CCDC171: variants seen among roughly 807,000 people sequenced by gnomAD.
The protein encoded by CCDC171 is coiled-coil domain containing 171.
CCDC171 carries 177 observed loss-of-function variants against 168.2 expected under a neutral mutation model. The observed-to-expected ratio is 1.05, with a 90% CI of 0.93 to 1.19. The LOEUF (loss-of-function observed/expected upper bound fraction) is 1.19, where lower values mean the gene tolerates loss of function less well. CCDC171 is among the 50% of genes most tolerant of loss of function. CCDC171 has a pLI of 0.00. For synonymous variants in CCDC171, 687 were observed against 540.8 expected (o/e 1.27, Z -3.75); for missense variants, 1,991 against 1,539.0 (o/e 1.29, Z -4.91).
At chr9:15,622,493 A>G (rs776303665) in intron 6 of CCDC171, among the ~76,000 whole-genome samples, 1 of 152,278 alleles carries the variant, frequency 6.6e-6, no homozygotes, top group Non-Finnish European at 1.5e-5. Flanking sequence ...ATAAATATTC[A>G]TGTGTGTTTG....
intron 25 of CCDC171, among the ~76,000 whole-genome samples, chr9:15,948,580 T>C (rs967951370): frequency 2.6e-5 from 4 of 152,130 alleles, no homozygotes; most frequent in African/African-American, 9.7e-5. Context: ...TGGCCAGTGA[T>C]GGTGAGCATT....
intron 20 of CCDC171, among the ~76,000 whole-genome samples, chr9:15,780,431 C>G (rs1365965905): frequency 1.3e-5 from 2 of 151,824 alleles, no homozygotes; most frequent in African/African-American, 4.8e-5. Flanking sequence ...GCCTGTAATC[C>G]CAGTGCTTTG....
chr9:15,777,004 A>T (rs924110092), intron 18 of CCDC171, among the ~76,000 whole-genome samples: 3 of 152,252 alleles, frequency 2.0e-5, no homozygotes, highest in African/African-American at 7.2e-5. Flanking sequence ...ATTAACCATT[A>T]TCTGGAATAC....
intron 6 of CCDC171, among the ~76,000 whole-genome samples, chr9:16,034,750 A>T (rs1279018774): frequency 6.6e-6 from 1 of 152,174 alleles, no homozygotes; most frequent in Non-Finnish European, 1.5e-5. Flanking sequence ...GACTTTACCT[A>T]CCAAAGCTTC....
intron 11 of CCDC171, among the ~76,000 whole-genome samples, chr9:15,702,472 A>T (rs1441267736): frequency 6.6e-6 from 1 of 152,100 alleles, no homozygotes; most frequent in Non-Finnish European, 1.5e-5. Flanking sequence ...CAGAGTAGAT[A>T]AAGCATAATT....
intron 7 of CCDC171, among the ~76,000 whole-genome samples, chr9:15,645,457 G>C (rs1249191329): frequency 6.6e-6 from 1 of 152,210 alleles, no homozygotes; most frequent in Non-Finnish European, 1.5e-5. Context: ...CTGAGCTAAA[G>C]GAGGATGTTC....
chr9:15,845,154 TAAAG>T (rs1306153453), intron 21 of CCDC171, among the ~76,000 whole-genome samples: 2 of 152,104 alleles, frequency 1.3e-5, no homozygotes, highest in Non-Finnish European at 2.9e-5. Flanking sequence ...CTTTTTTAAA[TAAAG>T]AAATCTTATA....
chr9:15,880,274 T>A (rs1818439905), intron 24 of CCDC171, among the ~76,000 whole-genome samples: 1 of 152,204 alleles, frequency 6.6e-6, no homozygotes, highest in Non-Finnish European at 1.5e-5. Flanking sequence ...TTTTGGATTA[T>A]CCAAAGTTGT....
At chr9:16,091,691 G>A in the CCDC171 span, among the ~76,000 whole-genome samples, 2 of 152,176 alleles carry the variant, frequency 1.3e-5, no homozygotes, top group Admixed American at 6.5e-5. Context: ...GCAAGGGAAG[G>A]CCTGTTGATA....
intron 6 of CCDC171, among the ~76,000 whole-genome samples, chr9:16,026,402 T>C (rs1318402908): frequency 2.6e-5 from 4 of 152,142 alleles, no homozygotes; most frequent in Admixed American, 2.0e-4. Context: ...GGTGGGAGAT[T>C]CACAAGAAGT....
intron 6 of CCDC171, among the ~76,000 whole-genome samples, chr9:15,599,677 T>G (rs12002928): frequency 0.026 from 3,986 of 152,234 alleles, 170 homozygotes; most frequent in African/African-American, 0.091. Context: ...CTGTATTTCT[T>G]GAATCTGAAT....
At chr9:15,823,544 G>C (rs1392173593) in intron 21 of CCDC171, among the ~76,000 whole-genome samples, 1 of 151,946 alleles carries the variant, frequency 6.6e-6, no homozygotes, top group African/African-American at 2.4e-5. Flanking sequence ...TTACTTAACA[G>C]TCACAACATG....
At chr9:15,599,638 C>G (rs2042671283) in intron 6 of CCDC171, among the ~76,000 whole-genome samples, 1 of 152,048 alleles carries the variant, frequency 6.6e-6, no homozygotes, top group Admixed American at 6.6e-5. Flanking sequence ...TGGAGTTGCT[C>G]CTTTCGAGGA....
At chr9:15,930,945 T>C (rs1185460167) in intron 25 of CCDC171, among the ~76,000 whole-genome samples, 2 of 151,628 alleles carry the variant, frequency 1.3e-5, no homozygotes, top group Non-Finnish European at 3.0e-5. Flanking sequence ...CTCATGCATT[T>C]ATCATTTATT....
At chr9:15,575,242 T>G (rs1486020261) in intron 3 of CCDC171, among the ~76,000 whole-genome samples, 1 of 148,076 alleles carries the variant, frequency 6.8e-6, no homozygotes, top group African/African-American at 2.5e-5. Context: ...CTTGGCTCAC[T>G]GCAGCCTGGT....
intron 19 of CCDC171, among the ~76,000 whole-genome samples, chr9:15,778,263 G>A (rs1178137653): frequency 2.2e-5 from 3 of 137,496 alleles, no homozygotes; most frequent in Non-Finnish European, 4.6e-5. Context: ...CGCCACTGCA[G>A]TCCGCAGTCT....
chr9:15,855,478 C>T (rs971754002), intron 23 of CCDC171, among the ~76,000 whole-genome samples: 1 of 151,740 alleles, frequency 6.6e-6, no homozygotes, highest in Non-Finnish European at 1.5e-5. Flanking sequence ...AAATGAATCA[C>T]GTTTTGAAAA....
At chr9:15,633,900 C>T (rs1470157548) in intron 7 of CCDC171, among the ~76,000 whole-genome samples, 2 of 152,146 alleles carry the variant, frequency 1.3e-5, no homozygotes, top group African/African-American at 2.4e-5. Context: ...TGGAAATCAT[C>T]ATTCTCAGTA....
At chr9:15,647,124 A>T (rs2047105996) in intron 7 of CCDC171, among the ~76,000 whole-genome samples, 1 of 152,214 alleles carries the variant, frequency 6.6e-6, no homozygotes, top group African/African-American at 2.4e-5. Context: ...ACTACATGGA[A>T]GCTGAACAAC....
Sources: allele counts gnomAD v4.1 joint callset (sites outside exome capture counted in the v4.1 genomes callset), GRCh38; gene constraint gnomAD v4.1.1; transcripts MANE v1.5; gene names NCBI Gene and HGNC (gene_info 2026-07-23, HGNC 2026-07-21).